MED13L: variants seen among roughly 807,000 people sequenced by gnomAD.
The protein encoded by MED13L is mediator of RNA polymerase II transcription subunit 13-like.
A neutral mutation model predicts 220.9 loss-of-function variants in MED13L; 7 were observed. That is an observed-to-expected ratio of 0.03 (90% CI 0.02 to 0.06). MED13L has a LOEUF of 0.06. MED13L is among the 10% of genes least tolerant of loss of function. The pLI, the probability that MED13L is intolerant of heterozygous loss-of-function variation, is 1.00. For synonymous variants in MED13L, 1,011 were observed against 1,015.2 expected, an observed-to-expected ratio of 1.00 and a Z score of 0.08; for missense variants, 1,965 against 2,760.5, an observed-to-expected ratio of 0.71 and a Z score of 6.46.
At chr12:116,115,477 A>G (rs961196204) in intron 2 of MED13L, among the ~76,000 whole-genome samples, 2 of 152,162 alleles carry the variant, frequency 1.3e-5, no homozygotes, top group African/African-American at 4.8e-5. Flanking sequence ...ATGATCCATA[A>G]AAGAAAAACT....
chr12:116,237,569 C>G lies in MED13L; in HGVS notation c.209G>C (p.Cys70Ser). 1 of 1,614,188 alleles carries G rather than the reference C, an allele frequency of 6.2e-7. No homozygotes were observed. Among genetic ancestry groups the G allele is most frequent in the Non-Finnish European group, 8.5e-7 (1 of 1,180,038 alleles). ...FIRCLQANLLCVWRRDVKPDC... is the reference protein window; with the variant it reads ...FIRCLQANLLSVWRRDVKPDC... Reference sequence around the variant, plus strand: ...TGGTTTGACATCACGACGCCATACACAAAGCAGGTTAGCTTGCAGACAGCG... The same window carrying G: ...TGGTTTGACATCACGACGCCATACAGAAAGCAGGTTAGCTTGCAGACAGCG... The change falls in exon 2 of 31, where the codon TGT becomes TCT. Residue 70 changes from cysteine to serine, a missense_variant. Around this residue, in one of 10 missense-constraint regions of MED13L, gnomAD observed 818 missense variants for 1,041.2 expected, o/e 0.79. Transcript: ENST00000281928.
At chr12:116,098,950 T>C (rs1298249284) in intron 3 of MED13L, among the ~76,000 whole-genome samples, 2 of 152,216 alleles carry the variant, frequency 1.3e-5, no homozygotes, top group African/African-American at 4.8e-5. Context: ...CATATAAACA[T>C]ATTTCCACTA....
intron 4 of MED13L, among the ~76,000 whole-genome samples, chr12:116,076,087 G>A (rs1356501804): frequency 6.6e-6 from 1 of 151,874 alleles, no homozygotes; most frequent in African/African-American, 2.4e-5. Context: ...CTAATTTTTT[G>A]TATTTTTAGT....
chr12:116,189,986 G>C (rs1881162247), intron 2 of MED13L, among the ~76,000 whole-genome samples: 1 of 152,102 alleles, frequency 6.6e-6, no homozygotes, highest in Non-Finnish European at 1.5e-5. Context: ...CATGTAAACA[G>C]TCATGTTATC....
At chr12:116,045,822 A>C (rs943704073) in intron 4 of MED13L, among the ~76,000 whole-genome samples, 8 of 152,080 alleles carry the variant, frequency 5.3e-5, no homozygotes, top group African/African-American at 1.9e-4. Flanking sequence ...ATTAAGTCAC[A>C]AAAAATGTTT....
rs1463662164 is a variant in MED13L, at chr12:116,008,930, C to T, written c.1483G>A (p.Glu495Lys). The T allele has an allele frequency of 5.6e-6, 9 of 1,613,996 alleles. No homozygotes were observed. Among genetic ancestry groups the T allele is most frequent in the South Asian group, 1.1e-5 (1 of 91,086 alleles). The change falls in exon 10 of 31, where the codon GAA becomes AAA. Residue 495 changes from glutamate (E) to lysine (K), a missense_variant. Glu to Lys is a moderately conservative substitution (Grantham distance 56). This residue lies in a region of MED13L where 818 missense variants were observed against 1,041.2 expected (regional missense o/e 0.79). Transcript: ENST00000281928. ...GTATCTTGCTCCATGCATAATTCTT[C>T]GGCCACAGAGGGCCTATGGTGAAAT... is the stretch of plus-strand genomic sequence containing the variant. ...IPFHHRPSVA[E>K]ELCMEQDTPG... is the part of the protein sequence containing the mutation.
chr12:115,998,986 A>C (rs999832086), intron 14 of MED13L, among the ~76,000 whole-genome samples: 1 of 152,042 alleles, frequency 6.6e-6, no homozygotes, highest in South Asian at 2.1e-4. Context: ...CCAAACAAGA[A>C]ACTGGCAGAA....
chr12:115,964,956 A>G (rs1370026883), intron 29 of MED13L, among the ~76,000 whole-genome samples: 2 of 152,220 alleles, frequency 1.3e-5, no homozygotes, highest in African/African-American at 4.8e-5. Context: ...ATACTTTTTT[A>G]GAGAGGAAAA....
chr12:115,970,857 T>C, intron 26 of MED13L, 87 bp from the exon 27 acceptor site: 2 of 1,275,484 alleles, frequency 1.6e-6, no homozygotes, highest in Non-Finnish European at 2.2e-6. Flanking sequence ...GTGGTATGAG[T>C]CTGATGAAAA....
At chr12:116,206,194 C>A (rs571199404) in intron 2 of MED13L, among the ~76,000 whole-genome samples, 1 of 149,630 alleles carries the variant, frequency 6.7e-6, no homozygotes, top group Admixed American at 6.7e-5. Context: ...AGTTCTCCTG[C>A]CTCAGCCTCC....
At chr12:116,037,899 A>C (rs2137528953) in intron 4 of MED13L, among the ~76,000 whole-genome samples, 1 of 152,280 alleles carries the variant, frequency 6.6e-6, no homozygotes, top group Non-Finnish European at 1.5e-5. Flanking sequence ...AGATGCCAAA[A>C]TAGATATAAG....
At chr12:116,037,024 A>T (rs1415346574) in intron 4 of MED13L, among the ~76,000 whole-genome samples, 1 of 152,190 alleles carries the variant, frequency 6.6e-6, no homozygotes, top group Non-Finnish European at 1.5e-5. Context: ...CAGGAAAGTT[A>T]ATTGCACATA....
intron 2 of MED13L, among the ~76,000 whole-genome samples, chr12:116,140,753 A>T (rs1364004131): frequency 1.3e-5 from 2 of 152,258 alleles, no homozygotes; most frequent in Non-Finnish European, 2.9e-5. Flanking sequence ...GCATCGACTT[A>T]CAAATTATCG....
At chr12:116,227,869 T>C (rs1333260347) in intron 2 of MED13L, among the ~76,000 whole-genome samples, 15 of 152,090 alleles carry the variant, frequency 9.9e-5, no homozygotes, top group African/African-American at 9.7e-5. Context: ...AAAGCCAAGA[T>C]AGGCTGAAAA....
At position 116,008,580 on chromosome 12, in the gene MED13L, C is replaced by G; in HGVS notation, c.1833G>C (p.Glu611Asp). Residue 611 changes from glutamate (E) to aspartate (D), a missense_variant, in exon 10 of 31, where the codon GAG (glutamate) becomes GAC (aspartate). This residue lies in a region of MED13L where 818 missense variants were observed against 1,041.2 expected (regional missense o/e 0.79). Coordinates refer to ENST00000281928, the MANE Select transcript of MED13L (RefSeq NM_015335.5). ...CACAATATAAGGCTGTCTCGCTGAC[C>G]TCTGCCATGAGAGGCAGTCTTTGGC... ...LVGQRLPLMA[E>D]VSETALYCGI... is the part of the protein sequence containing the mutation. 6.2e-7 allele frequency: 1 copy of G among 1,614,050 alleles called. No homozygotes were observed. Among genetic ancestry groups the G allele is most frequent in the South Asian group, 1.1e-5 (1 of 91,076 alleles).
At chr12:116,018,262 C>T (rs1401808876) in intron 7 of MED13L, among the ~76,000 whole-genome samples, 3 of 152,120 alleles carry the variant, frequency 2.0e-5, no homozygotes, top group South Asian at 2.1e-4. Flanking sequence ...CAACGAGGTG[C>T]GCTCAATCAC....
chr12:116,079,269 C>G (rs1358620052), intron 4 of MED13L, among the ~76,000 whole-genome samples: 1 of 152,094 alleles, frequency 6.6e-6, no homozygotes, highest in African/African-American at 2.4e-5. Context: ...GTCACCCAGA[C>G]TGGCAGTGGT....
At chr12:116,201,531 T>C (rs376123641) in intron 2 of MED13L, among the ~76,000 whole-genome samples, 7 of 152,192 alleles carry the variant, frequency 4.6e-5, no homozygotes, top group South Asian at 2.1e-4. Context: ...CTATAAGCTG[T>C]GTATAAAGAA....
intron 4 of MED13L, among the ~76,000 whole-genome samples, chr12:116,091,059 T>G (rs574882375): frequency 6.9e-6 from 1 of 145,872 alleles, no homozygotes; most frequent in South Asian, 2.1e-4. Flanking sequence ...TGGAGGACAT[T>G]GCAGTGAGCT....
Sources: gnomAD v4.1 joint callset for allele counts (sites outside exome capture counted in the v4.1 genomes callset) on GRCh38, gnomAD v4.1.1 for gene constraint, gnomAD v4.1.1 regional missense constraint, MANE v1.5 for transcripts, NCBI Gene and HGNC (gene_info 2026-07-23, HGNC 2026-07-21) for gene names.